The following TBC1D8 variants were observed in gnomAD, a reference collection of about 807,000 sequenced individuals.
The protein encoded by TBC1D8 is BUB2-like protein 1.
In TBC1D8, 65 loss-of-function variants were observed where a neutral mutation model predicts 118.8. The ratio of observed to expected loss-of-function variants is 0.55; its 90% CI spans 0.45 to 0.67. TBC1D8 has a LOEUF of 0.67. Ranked by LOEUF, TBC1D8 falls within the 30% of genes least tolerant of loss-of-function variation. TBC1D8 has a pLI of 0.00. For synonymous variants in TBC1D8, 566 were observed against 595.8 expected (o/e 0.95, Z 0.73); for missense variants, 1,376 against 1,471.2 (o/e 0.94, Z 1.06).
intron 1 of TBC1D8, among the ~76,000 whole-genome samples, chr2:101,144,421 G>A (rs964210042): frequency 2.6e-5 from 4 of 152,162 alleles, no homozygotes; most frequent in Non-Finnish European, 4.4e-5. Context: ...ACAGCCATGA[G>A]GGGCCTGGGA....
intron 17 of TBC1D8, chr2:101,018,866 A>G: frequency 8.5e-7 from 1 of 1,171,642 alleles, no homozygotes; most frequent in Non-Finnish European, 1.2e-6. Flanking sequence ...ATAATTAACT[A>G]AGCAAAATGG....
chr2:101,015,485 A>T (rs912679740), intron 17 of TBC1D8, among the ~76,000 whole-genome samples: 1 of 152,068 alleles, frequency 6.6e-6, no homozygotes, highest in Non-Finnish European at 1.5e-5. Context: ...AAACTTTTTG[A>T]CTCTTTTGTA....
In TBC1D8 at chr2:101,098,962, C is replaced by G. The variant is rs189476610; in HGVS notation, c.128-8598G>C. Among the ~76,000 whole-genome samples the G allele has an allele frequency of 9.2e-4, 138 of 149,370 alleles. 1 individual carries two copies. The highest frequency in any genetic ancestry group is 3.3e-3 in the African/African-American group (135 of 40,494). On this transcript the variant is annotated intron_variant, in intron 1 of 19. Coordinates refer to ENST00000409318, the MANE Select transcript of TBC1D8 (RefSeq NM_001330348.2). ...ATCACAATTAAAAGAGCTAGAGAAG[C>G]AAGGGAAAACTGTTCCAAAAGCTAG...
chr2:101,030,421 TA>T (rs1680601984), intron 11 of TBC1D8, among the ~76,000 whole-genome samples: 1 of 152,214 alleles, frequency 6.6e-6, no homozygotes, highest in Non-Finnish European at 1.5e-5. Flanking sequence ...GAGACATCAT[TA>T]ATCATCAGAG....
At chr2:101,148,738 T>C (rs1679423104) in intron 1 of TBC1D8, among the ~76,000 whole-genome samples, 1 of 152,044 alleles carries the variant, frequency 6.6e-6, no homozygotes, top group Non-Finnish European at 1.5e-5. Flanking sequence ...TTACTTCCAA[T>C]CCCCCTTAGG....
chr2:101,089,925 T>A (rs796068), intron 2 of TBC1D8, among the ~76,000 whole-genome samples: 130,296 of 139,678 alleles, frequency 0.93, 60,669 homozygotes, highest in East Asian at 0.99. Flanking sequence ...CGATGGTTTT[T>A]AAAAAAAAAA....
In TBC1D8 at chr2:101,040,294, G is replaced by A; in HGVS notation, c.964C>T (p.Leu322Phe). Residue 322 changes from leucine to phenylalanine, a missense_variant, in exon 6 of 20, where the codon CTC (leucine) becomes TTC (phenylalanine). Coordinates refer to ENST00000409318, the MANE Select transcript of TBC1D8 (RefSeq NM_001330348.2). ...EKLHAVVDCS[L>F]WTPFSRCHTT... ...TGACAGCGACTGAACGGCGTCCAGA[G>A]CGAACAGTCCACAACCGCGTGCAGC... 1.2e-6 allele frequency: 2 copies of A among 1,613,988 alleles called. No homozygotes were observed. Among genetic ancestry groups the A allele is most frequent in the Non-Finnish European group, 1.7e-6 (2 of 1,179,906 alleles).
rs3739016 is a variant in TBC1D8, at chr2:101,033,748, C to T, written c.1614G>A (p.Thr538=). The change falls in exon 10 of 20, where the codon ACG becomes ACA. Residue 538 remains threonine (T), a synonymous_variant. Transcript: ENST00000409318. The part of the protein sequence containing the change: ...RLWLLFSDAV[T]DLASHPGYYG... Reference sequence around the variant, plus strand: ...AGTAACCAGGGTGTGAGGCAAGATCCGTCACCGCATCTGAGTTTTAAAAGC... The same window carrying T: ...AGTAACCAGGGTGTGAGGCAAGATCTGTCACCGCATCTGAGTTTTAAAAGC... 607 of 1,612,280 alleles carry T rather than the reference C, an allele frequency of 3.8e-4. 11 individuals are homozygous for T. In the East Asian group the frequency reaches 0.013, roughly 35 times the overall value.
At chr2:101,122,944 C>T (rs916194913) in intron 1 of TBC1D8, among the ~76,000 whole-genome samples, 1 of 152,010 alleles carries the variant, frequency 6.6e-6, no homozygotes, top group Admixed American at 6.6e-5. Flanking sequence ...CATCAGGCCC[C>T]GCATGTGGTA....
chr2:101,127,107 C>T (rs897549997), intron 1 of TBC1D8, among the ~76,000 whole-genome samples: 1 of 152,064 alleles, frequency 6.6e-6, no homozygotes, highest in Non-Finnish European at 1.5e-5. Flanking sequence ...GAGGCCGAGG[C>T]AGGTGGATCA....
At chr2:101,084,152 G>A (rs904210823) in intron 2 of TBC1D8, among the ~76,000 whole-genome samples, 3 of 152,200 alleles carry the variant, frequency 2.0e-5, no homozygotes, top group African/African-American at 7.2e-5. Flanking sequence ...GGGTCTAGGA[G>A]TTAACCTGCT....
At position 101,007,329 on chromosome 2, in the gene TBC1D8, C is replaced by CAAAT. The variant is rs1462674249; in HGVS notation, c.*488_*491dup. On this transcript the variant is annotated 3_prime_UTR_variant, in exon 20 of 20. Coordinates refer to ENST00000409318, the MANE Select transcript of TBC1D8 (RefSeq NM_001330348.2). Reference sequence around the variant, plus strand: ...GAAGGACATATAAAGTGAATACAACCAAATATATTAAAATGGTTTCAATTA... The same window carrying CAAAT: ...GAAGGACATATAAAGTGAATACAACCAAATAAATATATTAAAATGGTTTCAATTA... 1 of 154,084 alleles carries CAAAT rather than the reference C, an allele frequency of 6.5e-6. No homozygotes were observed. The highest frequency in any genetic ancestry group is 1.4e-5 in the Non-Finnish European group (1 of 69,436). The allele number at this position is 154,084 out of a possible 1,614,324, so 9.5% of individuals were successfully genotyped here.
chr2:101,014,973 TTA>T (rs1177747756), intron 17 of TBC1D8, among the ~76,000 whole-genome samples: 1 of 146,662 alleles, frequency 6.8e-6, no homozygotes, highest in Non-Finnish European at 1.5e-5. Flanking sequence ...ATCTATTATT[TTA>T]TAGAGTCATG....
At chr2:101,033,119 T>C (rs1417691646) in intron 10 of TBC1D8, among the ~76,000 whole-genome samples, 1 of 103,344 alleles carries the variant, frequency 9.7e-6, no homozygotes, top group African/African-American at 3.3e-5. Flanking sequence ...AGGCACTCGG[T>C]AAATTTTTTT....
Position 101,054,371 on chromosome 2 carries a change from G to A in TBC1D8, c.403-35C>T, listed in dbSNP as rs749541499. 8 of 1,546,998 alleles carry A rather than the reference G, an allele frequency of 5.2e-6. No individual in the cohort carries two copies. In the Admixed American group the frequency reaches 1.6e-4, roughly 30 times the overall value. ...AGAGATGACAGTCCCTGCTCAGTGAGCCAGCAATGGGAAGGCAGGGGGTGC... is the reference window on the plus strand; with the variant it reads ...AGAGATGACAGTCCCTGCTCAGTGAACCAGCAATGGGAAGGCAGGGGGTGC... On this transcript the variant is annotated intron_variant, in intron 3 of 19. Transcript: ENST00000409318.
intron 1 of TBC1D8, among the ~76,000 whole-genome samples, chr2:101,116,644 A>ATTT (rs1158005557): frequency 1.4e-5 from 2 of 145,332 alleles, no homozygotes; most frequent in African/African-American, 5.0e-5. Context: ...AAAGTAGTGA[A>ATTT]TTTTTTTTTT....
chr2:101,129,514 C>T (rs1678494362), intron 1 of TBC1D8, among the ~76,000 whole-genome samples: 1 of 152,118 alleles, frequency 6.6e-6, no homozygotes, highest in South Asian at 2.1e-4. Flanking sequence ...CAGTCGCCAG[C>T]CCAGAACAAA....
intron 2 of TBC1D8, among the ~76,000 whole-genome samples, chr2:101,076,091 T>C (rs1434035975): frequency 6.6e-6 from 1 of 152,188 alleles, no homozygotes; most frequent in African/African-American, 2.4e-5. Flanking sequence ...ACCAACTCCT[T>C]ACATTAACAG....
At chr2:101,132,079 T>G (rs1332924374) in intron 1 of TBC1D8, among the ~76,000 whole-genome samples, 2 of 152,206 alleles carry the variant, frequency 1.3e-5, no homozygotes, top group Non-Finnish European at 2.9e-5. Flanking sequence ...AAGTCAAACT[T>G]AAAGGAAAAC....
Sources: allele counts gnomAD v4.1 joint callset (sites outside exome capture counted in the v4.1 genomes callset), GRCh38; gene constraint gnomAD v4.1.1; transcripts MANE v1.5; gene names NCBI Gene and HGNC (gene_info 2026-07-23, HGNC 2026-07-21).